The following ASIC2 variants were observed in gnomAD, a reference collection of about 807,000 sequenced individuals.
The protein encoded by ASIC2 is acid-sensing ion channel 2.
A neutral mutation model predicts 57.3 loss-of-function variants in ASIC2; 25 were observed. The ratio of observed to expected loss-of-function variants is 0.44; its 90% confidence interval spans 0.32 to 0.61. The LOEUF is 0.61. ASIC2 is among the 20% of genes least tolerant of loss of function. The probability of loss-of-function intolerance (pLI) is 0.06; values close to 1 mark genes in which losing one functional copy is unlikely to be tolerated. For synonymous variants in ASIC2, 319 were observed against 307.5 expected (o/e 1.04, Z -0.39); for missense variants, 641 against 738.1 (o/e 0.87, Z 1.52).
At chr17:34,111,173 C>T (rs556272178) in intron 1 of ASIC2, among the ~76,000 whole-genome samples, 9 of 151,700 alleles carry the variant, frequency 5.9e-5, no homozygotes, top group South Asian at 2.1e-4. Context: ...TTGCAGTGAG[C>T]GGAGATCATG....
chr17:33,447,163 C>T (rs941330332), intron 1 of ASIC2, among the ~76,000 whole-genome samples: 3 of 152,104 alleles, frequency 2.0e-5, no homozygotes, highest in Admixed American at 6.5e-5. Flanking sequence ...CATGAGTGCC[C>T]GGGATCCGGG....
chr17:33,398,519 G>A (rs543102423), intron 1 of ASIC2, among the ~76,000 whole-genome samples: 1 of 152,234 alleles, frequency 6.6e-6, no homozygotes, highest in South Asian at 2.1e-4. Flanking sequence ...ATGTGGTGAT[G>A]GTAGTGATGG....
intron 1 of ASIC2, among the ~76,000 whole-genome samples, chr17:33,693,974 C>G (rs551721495): frequency 6.6e-6 from 1 of 152,302 alleles, no homozygotes; most frequent in African/African-American, 2.4e-5. Flanking sequence ...TAAGAACCAT[C>G]TGTATTTTCT....
In ASIC2 at chr17:33,291,969, C is replaced by T. The variant is rs549591333; in HGVS notation, c.147G>A (p.Gln49=). The T allele has an allele frequency of 1.5e-6, 2 of 1,329,872 alleles. No individual in the cohort carries two copies. The highest frequency in any genetic ancestry group is 1.5e-5 in the African/African-American group (1 of 65,028). The allele number at this position is 1,329,872 out of a possible 1,614,324, so 82.4% of individuals were successfully genotyped here. The part of the protein sequence containing the change: ...GGGRGGERAL[Q]GPGVARRGRP... ...GCCCCCTGCGGGCGACCCCTGGCCCCTGCAGCGCCCGCTCGCCGCCTCTGC... is the reference window on the plus strand; with the variant it reads ...GCCCCCTGCGGGCGACCCCTGGCCCTTGCAGCGCCCGCTCGCCGCCTCTGC... The change falls in exon 1 of 10, where the codon CAG becomes CAA. Residue 49 remains glutamine (Q), a synonymous_variant. Coordinates refer to ENST00000225823, the MANE Select transcript of ASIC2 (RefSeq NM_183377.2).
At chr17:33,590,649 A>G (rs1014317742) in intron 1 of ASIC2, among the ~76,000 whole-genome samples, 5 of 149,430 alleles carry the variant, frequency 3.3e-5, no homozygotes, top group African/African-American at 1.2e-4. Flanking sequence ...ATCTCTACAC[A>G]ACACCTCAAT....
chr17:33,919,853 C>T (rs904457288), intron 1 of ASIC2, among the ~76,000 whole-genome samples: 3 of 152,004 alleles, frequency 2.0e-5, no homozygotes, highest in Middle Eastern at 3.2e-3. Context: ...CATTAAAAAG[C>T]GGGCAAAGGA....
chr17:33,693,776 G>A (rs1908446472), intron 1 of ASIC2, among the ~76,000 whole-genome samples: 1 of 152,162 alleles, frequency 6.6e-6, no homozygotes, highest in Non-Finnish European at 1.5e-5. Flanking sequence ...ATAGGTCAAG[G>A]TCAAGGTGAA....
At chr17:33,099,825 C>T (rs111306254) in intron 2 of ASIC2, 25 of 152,340 alleles carry the variant, frequency 1.6e-4, no homozygotes, top group African/African-American at 5.8e-4. Flanking sequence ...AAGTTAGGTA[C>T]AACCAGACTG....
At position 33,028,338 on chromosome 17, in the gene ASIC2, C is replaced by G. The variant is rs757867324; in HGVS notation, c.1042G>C (p.Asp348His). Residue 348 changes from aspartate to histidine, a missense_variant, in exon 4 of 10, where the codon GAC (aspartate) becomes CAC (histidine). Physicochemically the swap from Asp to His is moderately conservative, Grantham distance 81. Around this residue, in one of 3 missense-constraint regions of ASIC2, gnomAD observed 252 missense variants for 319.8 expected, o/e 0.79. Transcript: ENST00000225823. ...GECRSSEMGL[D>H]FFPVYSITAC... Reference sequence around the variant, plus strand: ...GTGATGCTGTAAACAGGAAAAAAGTCGAGGCCCATCTCTGAGGATCGGCAC... The same window carrying G: ...GTGATGCTGTAAACAGGAAAAAAGTGGAGGCCCATCTCTGAGGATCGGCAC... 2 of 1,614,078 alleles carry G rather than the reference C, an allele frequency of 1.2e-6. No homozygotes were observed. The highest frequency in any genetic ancestry group is 4.5e-5 in the East Asian group (2 of 44,880).
At chr17:33,970,789 C>T (rs909960864) in intron 1 of ASIC2, among the ~76,000 whole-genome samples, 1 of 152,194 alleles carries the variant, frequency 6.6e-6, no homozygotes, top group Admixed American at 6.5e-5. Flanking sequence ...AAACTACTTG[C>T]TTTCATCATT....
chr17:33,166,375 A>C (rs1464555812), intron 1 of ASIC2, among the ~76,000 whole-genome samples: 2 of 152,236 alleles, frequency 1.3e-5, no homozygotes, highest in African/African-American at 4.8e-5. Flanking sequence ...GAAAAAGTCT[A>C]TGAACAGAGA....
chr17:33,127,721 A>G (rs1420178773), intron 1 of ASIC2, among the ~76,000 whole-genome samples: 1 of 152,162 alleles, frequency 6.6e-6, no homozygotes, highest in Non-Finnish European at 1.5e-5. Flanking sequence ...CAACCGAGTG[A>G]GCTGCTCATC....
chr17:33,098,138 T>TA (rs1237889205), intron 2 of ASIC2, among the ~76,000 whole-genome samples: 2 of 152,230 alleles, frequency 1.3e-5, no homozygotes, highest in African/African-American at 4.8e-5. Context: ...CTTTTAGCTC[T>TA]AAAATTCTAT....
intron 1 of ASIC2, among the ~76,000 whole-genome samples, chr17:33,377,516 C>A (rs1909324862): frequency 6.6e-6 from 1 of 152,204 alleles, no homozygotes; most frequent in Non-Finnish European, 1.5e-5. Context: ...GGCTTTGACC[C>A]AATCGCATTC....
At chr17:33,829,976 A>G (rs1053970146) in intron 1 of ASIC2, among the ~76,000 whole-genome samples, 1 of 152,270 alleles carries the variant, frequency 6.6e-6, no homozygotes, top group Non-Finnish European at 1.5e-5. Flanking sequence ...AACCCAAAGC[A>G]GAAATATTTT....
At chr17:34,116,518 C>T (rs1911428150) in intron 1 of ASIC2, among the ~76,000 whole-genome samples, 1 of 152,098 alleles carries the variant, frequency 6.6e-6, no homozygotes, top group South Asian at 2.1e-4. Context: ...AGTATGTCTG[C>T]TAAGGTGTTA....
At chr17:33,926,467 C>T (rs998746302) in intron 1 of ASIC2, among the ~76,000 whole-genome samples, 1 of 152,088 alleles carries the variant, frequency 6.6e-6, no homozygotes, top group Non-Finnish European at 1.5e-5. Flanking sequence ...TACACATAGC[C>T]TGAAGATAAT....
At chr17:33,280,332 C>T (rs1038663513) in intron 1 of ASIC2, among the ~76,000 whole-genome samples, 6 of 152,208 alleles carry the variant, frequency 3.9e-5, no homozygotes, top group African/African-American at 1.2e-4. Flanking sequence ...GGCTCTCACT[C>T]CATGCACCAT....
intron 1 of ASIC2, among the ~76,000 whole-genome samples, chr17:33,217,497 C>T (rs1224691930): frequency 1.3e-5 from 2 of 152,172 alleles, no homozygotes; most frequent in African/African-American, 2.4e-5. Context: ...TGAGCGAGCC[C>T]GGAGCCTGAG....
Sources: gnomAD v4.1 joint callset for allele counts (sites outside exome capture counted in the v4.1 genomes callset) on GRCh38, gnomAD v4.1.1 for gene constraint, gnomAD v4.1.1 regional missense constraint, MANE v1.5 for transcripts, NCBI Gene and HGNC (gene_info 2026-07-23, HGNC 2026-07-21) for gene names.